ZNF257: variants seen among roughly 807,000 people sequenced by gnomAD.
The protein encoded by ZNF257 is zinc finger protein 257.
In ZNF257, 12 loss-of-function variants were observed where a neutral mutation model predicts 11.9. The observed-to-expected ratio is 1.01, with a 90% CI of 0.65 to 1.63. The LOEUF is 1.63. Among genes scored for constraint, ZNF257 ranks in the 40% most tolerant of loss-of-function variants. The pLI, the probability that ZNF257 is intolerant of heterozygous loss-of-function variation, is 0.00. For missense variants in ZNF257, 580 were observed against 665.5 expected, an observed-to-expected ratio of 0.87 and a Z score of 1.41; for synonymous variants, 183 against 222.7, an observed-to-expected ratio of 0.82 and a Z score of 1.59.
Position 22,089,430 on chromosome 19 carries a change from A to T in ZNF257, c.1680A>T (p.Lys560Asn), listed in dbSNP as rs763725193. Reference protein sequence around the residue: ...KACNHSSNLTKHNS With the variant: ...KACNHSSNLTNHNS ...GTAACCATTCCTCAAACCTTACTAA[A>T]CATAATTCATAATGGAGAAAAACCC... Residue 560 changes from lysine to asparagine, a missense_variant, in exon 4 of 4, where the codon AAA becomes AAT. Transcript: ENST00000594947. 4 of 1,607,720 alleles carry T rather than the reference A, an allele frequency of 2.5e-6. No homozygotes were observed. The highest frequency in any genetic ancestry group is 1.7e-6 in the Non-Finnish European group (2 of 1,176,950).
chr19:22,074,863 G>A (rs978378304), intron 3 of ZNF257, among the ~76,000 whole-genome samples: 1 of 151,946 alleles, frequency 6.6e-6, no homozygotes, highest in South Asian at 2.1e-4. Context: ...TTACTTATTT[G>A]TCTTCAGTTT....
intron 3 of ZNF257, among the ~76,000 whole-genome samples, chr19:22,078,016 G>A (rs2022268219): frequency 6.6e-6 from 1 of 151,444 alleles, no homozygotes; most frequent in Admixed American, 6.6e-5. Flanking sequence ...AAGGTGGGCG[G>A]ATCACAAGGG....
At chr19:22,059,384 G>C (rs893235885) in intron 1 of ZNF257, among the ~76,000 whole-genome samples, 2 of 151,876 alleles carry the variant, frequency 1.3e-5, no homozygotes, top group African/African-American at 2.4e-5. Flanking sequence ...CTTATAAATG[G>C]TAACATGTAT....
intron 3 of ZNF257, among the ~76,000 whole-genome samples, 166 bp from the exon 4 acceptor site, chr19:22,087,811 A>G (rs1044654450): frequency 6.6e-6 from 1 of 152,046 alleles, no homozygotes; most frequent in African/African-American, 2.4e-5. Context: ...TGTTTTGGTC[A>G]GTATGTTTTT....
rs1238706882 is a variant in ZNF257, at chr19:22,087,981, G to A, written c.231G>A (p.Met77Ile). 1 of 1,436,322 alleles carries A rather than the reference G, an allele frequency of 7.0e-7. No individual in the cohort carries two copies. The highest frequency in any genetic ancestry group is 1.6e-5 in the South Asian group (1 of 61,824). 89.0% of individuals were successfully genotyped at this position (1,436,322 alleles called of 1,614,324 possible). Residue 77 changes from methionine to isoleucine, a missense_variant, in exon 4 of 4, where the codon ATG becomes ATA. Met to Ile is a conservative substitution (Grantham distance 10, BLOSUM62 1). Coordinates refer to ENST00000594947, the MANE Select transcript of ZNF257 (RefSeq NM_033468.4). ...RHEMVAKPPVMCSHIAEDLCP... is the reference protein window; with the variant it reads ...RHEMVAKPPVICSHIAEDLCP... ...TGTTGTTTTTATTTCTTTTAGTTAT[G>A]TGTTCTCATATTGCTGAAGACCTTT...
intron 1 of ZNF257, among the ~76,000 whole-genome samples, chr19:22,060,198 A>G (rs893662101): frequency 2.6e-5 from 4 of 152,178 alleles, no homozygotes; most frequent in Non-Finnish European, 5.9e-5. Context: ...GTCAAATGGA[A>G]ATTTGTTTTT....
rs2022584693 is a variant in ZNF257 at position 22,089,686 on chromosome 19, CAT to C, written c.*245_*246del. Reference sequence around the variant, plus strand: ...TCAACTCTTACTAAACATGAGAACACATGTGGAAGATAAAGCCTACAAATATG... The same window carrying C: ...TCAACTCTTACTAAACATGAGAACACGTGGAAGATAAAGCCTACAAATATG... On this transcript the variant is annotated 3_prime_UTR_variant, in exon 4 of 4. Coordinates refer to ENST00000594947, the MANE Select transcript of ZNF257 (RefSeq NM_033468.4). 1.1e-6 allele frequency: 1 copy of C among 949,494 alleles called. No individual in the cohort carries two copies. Among genetic ancestry groups the C allele is most frequent in the Non-Finnish European group, 1.5e-6 (1 of 684,256 alleles). The allele number at this position is 949,494 out of a possible 1,614,324, so 58.8% of individuals were successfully genotyped here.
In ZNF257 at chr19:22,087,976, GT is replaced by G; in HGVS notation, c.228del (p.Met77CysfsTer15). ...TAATTTGTTGTTTTTATTTCTTTTAGTTATGTGTTCTCATATTGCTGAAGAC... is the reference window on the plus strand; with the variant it reads ...TAATTTGTTGTTTTTATTTCTTTTAGTATGTGTTCTCATATTGCTGAAGAC... The part of the protein sequence containing the change: ...KRHEMVAKPP[V>X]MCSHIAEDLC... On this transcript the variant is annotated frameshift_variant and splice_region_variant, in exon 4 of 4. Coordinates refer to ENST00000594947, the MANE Select transcript of ZNF257 (RefSeq NM_033468.4). LOFTEE classifies it low-confidence loss of function (END_TRUNC). The G allele has an allele frequency of 9.5e-6, 14 of 1,479,262 alleles. No individual in the cohort carries two copies. Among genetic ancestry groups the G allele is most frequent in the Non-Finnish European group, 1.2e-5 (13 of 1,113,154 alleles). 91.6% of individuals were successfully genotyped at this position (1,479,262 alleles called of 1,614,324 possible).
chr19:22,077,909 A>G (rs2022264557), intron 3 of ZNF257, among the ~76,000 whole-genome samples: 1 of 152,060 alleles, frequency 6.6e-6, no homozygotes, highest in Admixed American at 6.5e-5. Flanking sequence ...TTTTCACTGC[A>G]TCATCAACAG....
At chr19:22,078,076 A>C (rs1051278252) in intron 3 of ZNF257, among the ~76,000 whole-genome samples, 2 of 111,840 alleles carry the variant, frequency 1.8e-5, no homozygotes, top group South Asian at 6.4e-4. Context: ...CGTCTCTACT[A>C]AAAAAAAAAA....
At chr19:22,087,585 G>T in intron 3 of ZNF257, 1 of 1,230,184 alleles carries the variant, frequency 8.1e-7, no homozygotes, top group South Asian at 4.1e-5. Context: ...CTAAAAGCCA[G>T]ACATAGAAAT....
At chr19:22,065,430 C>G (rs918696474) in intron 1 of ZNF257, among the ~76,000 whole-genome samples, 2 of 152,112 alleles carry the variant, frequency 1.3e-5, no homozygotes, top group Non-Finnish European at 2.9e-5. Flanking sequence ...GAACTCCCGA[C>G]CTCAGGTGAT....
intron 1 of ZNF257, among the ~76,000 whole-genome samples, chr19:22,064,657 TG>T (rs1454911485): frequency 6.6e-6 from 1 of 152,180 alleles, no homozygotes; most frequent in Non-Finnish European, 1.5e-5. Context: ...GTATATAAAC[TG>T]AACAGTGAAG....
At chr19:22,073,798 A>G (rs1568485472) in intron 3 of ZNF257, among the ~76,000 whole-genome samples, 1 of 152,074 alleles carries the variant, frequency 6.6e-6, no homozygotes, top group African/African-American at 2.4e-5. Context: ...CTTCAAGTTT[A>G]CAGTGAGAGC....
intron 1 of ZNF257, among the ~76,000 whole-genome samples, chr19:22,072,094 G>A (rs2022117066): frequency 6.6e-6 from 1 of 152,302 alleles, no homozygotes; most frequent in Admixed American, 6.5e-5. Context: ...TTACTTCTGG[G>A]AGAAAATGTC....
rs982812155 is a variant in ZNF257 at position 22,080,191 on chromosome 19, C to T, written c.226+6627C>T. ...AACAGGGTCTCACTATGTTGCCCAG[C>T]CTGGTCTCAAACTTCTGGCCCCAAG... On this transcript the variant is annotated intron_variant, in intron 3 of 3. Coordinates refer to ENST00000594947, the MANE Select transcript of ZNF257 (RefSeq NM_033468.4). Among the ~76,000 whole-genome samples, 43 of 150,968 alleles carry T rather than the reference C, an allele frequency of 2.8e-4. 1 individual carries two copies. The highest frequency in any genetic ancestry group is 1.0e-3 in the African/African-American group (42 of 40,924).
At chr19:22,074,172 A>C (rs1398263131) in intron 3 of ZNF257, among the ~76,000 whole-genome samples, 3 of 151,930 alleles carry the variant, frequency 2.0e-5, no homozygotes, top group African/African-American at 7.3e-5. Flanking sequence ...TGCCACTGGA[A>C]TTTTTACAGG....
intron 3 of ZNF257, among the ~76,000 whole-genome samples, chr19:22,079,484 C>T (rs1047133383): frequency 4.6e-5 from 7 of 152,034 alleles, no homozygotes; most frequent in Non-Finnish European, 8.8e-5. Context: ...GCTGGGGAGG[C>T]TTCACAATCA....
intron 1 of ZNF257, among the ~76,000 whole-genome samples, chr19:22,057,944 A>G (rs1181477453): frequency 1.3e-5 from 2 of 152,220 alleles, no homozygotes; most frequent in East Asian, 3.9e-4. Context: ...GTATTTTTGT[A>G]GAGACGGGGG....
Sources: gnomAD v4.1 joint callset for allele counts (sites outside exome capture counted in the v4.1 genomes callset) on GRCh38, gnomAD v4.1.1 for gene constraint, MANE v1.5 for transcripts, NCBI Gene and HGNC (gene_info 2026-07-23, HGNC 2026-07-21) for gene names.